UBAC2: variants seen among roughly 807,000 people sequenced by gnomAD.
The protein encoded by UBAC2 is UBA domain containing 2, also known as ubiquitin-associated domain-containing protein 2.
UBAC2 carries 26 observed loss-of-function variants against 44.0 expected under a neutral mutation model. That is an observed-to-expected ratio of 0.59 (90% confidence interval 0.43 to 0.82). The LOEUF is 0.82. Ranked by LOEUF, UBAC2 falls within the 40% of genes least tolerant of loss-of-function variation. UBAC2 has a pLI of 0.00. For synonymous variants in UBAC2, 155 were observed against 154.3 expected, an observed-to-expected ratio of 1.00 and a Z score of -0.04; for missense variants, 329 against 419.4, an observed-to-expected ratio of 0.78 and a Z score of 1.88.
rs1016135589 is a variant in UBAC2 at position 99,217,438 on chromosome 13, G to A, written c.31+16499G>A. On this transcript the variant is annotated intron_variant, in intron 1 of 8. Coordinates refer to ENST00000403766, the MANE Select transcript of UBAC2 (RefSeq NM_001144072.2). ...CTTTCTCCAACCCAGACCCACGTAG[G>A]CTATGCTGAAACTCTGTGGAGGCAG... is the stretch of plus-strand genomic sequence containing the variant. Among the ~76,000 whole-genome samples the A allele has an allele frequency of 2.6e-5, 4 of 152,202 alleles. No homozygotes were observed. In the East Asian group the frequency reaches 5.8e-4, roughly 22 times the overall value.
intron 7 of UBAC2, among the ~76,000 whole-genome samples, chr13:99,363,790 G>C (rs1328414363): frequency 6.6e-6 from 1 of 152,238 alleles, no homozygotes; most frequent in African/African-American, 2.4e-5. Context: ...AAGTGAACCA[G>C]CAGTCTGCTA....
At chr13:99,201,320 CT>C in intron 1 of UBAC2, 2 of 1,504,256 alleles carry the variant, frequency 1.3e-6, no homozygotes, top group South Asian at 1.3e-5. Flanking sequence ...ATGCCCCATT[CT>C]TTTAGGCTTG....
intron 6 of UBAC2, among the ~76,000 whole-genome samples, chr13:99,319,486 C>G (rs1424585120): frequency 6.6e-6 from 1 of 152,200 alleles, no homozygotes; most frequent in Non-Finnish European, 1.5e-5. Flanking sequence ...GCTTACCCCT[C>G]TTCTTCCTTT....
chr13:99,304,618 T>C (rs1366909510), intron 4 of UBAC2, among the ~76,000 whole-genome samples: 1 of 152,190 alleles, frequency 6.6e-6, no homozygotes, highest in African/African-American at 2.4e-5. Flanking sequence ...TGAATAATAA[T>C]CAATTAAAAT....
At chr13:99,353,162 T>G (rs1056857288) in intron 7 of UBAC2, among the ~76,000 whole-genome samples, 1 of 152,256 alleles carries the variant, frequency 6.6e-6, no homozygotes, top group Non-Finnish European at 1.5e-5. Context: ...TTCAAGAGTT[T>G]ATAAGTATAT....
chr13:99,267,944 G>A (rs1056536821), intron 4 of UBAC2, among the ~76,000 whole-genome samples: 1 of 152,164 alleles, frequency 6.6e-6, no homozygotes, highest in African/African-American at 2.4e-5. Flanking sequence ...CCGGTAAGTC[G>A]TCAAGGGCCT....
intron 7 of UBAC2, among the ~76,000 whole-genome samples, chr13:99,364,949 T>A (rs898669608): frequency 3.3e-5 from 5 of 152,230 alleles, no homozygotes; most frequent in Admixed American, 3.3e-4. Context: ...GTGTTTGAAT[T>A]TCTTTTATTC....
At chr13:99,205,149 G>A (rs77318962) in intron 1 of UBAC2, among the ~76,000 whole-genome samples, 14,409 of 152,160 alleles carry the variant, frequency 0.095, 798 homozygotes, top group Middle Eastern at 0.14. Context: ...TGATCCGCCC[G>A]CCTCGGCCTC....
intron 4 of UBAC2, among the ~76,000 whole-genome samples, chr13:99,289,253 A>G (rs1427614310): frequency 6.6e-6 from 1 of 152,224 alleles, no homozygotes; most frequent in Non-Finnish European, 1.5e-5. Context: ...GAGGAAAGGA[A>G]GATGGATGGC....
At chr13:99,219,419 A>C (rs571793254) in intron 1 of UBAC2, among the ~76,000 whole-genome samples, 1 of 152,344 alleles carries the variant, frequency 6.6e-6, no homozygotes, top group East Asian at 1.9e-4. Context: ...AATTAACAGC[A>C]ACCACAATTT....
rs869112086 is a variant in UBAC2 at position 99,338,047 on chromosome 13, C to CTTTTTTTTTTTTTTTTTTTT, written c.562-2264_562-2245dup. Among the ~76,000 whole-genome samples, 61 of 48,868 alleles carry CTTTTTTTTTTTTTTTTTTTT rather than the reference C, an allele frequency of 1.2e-3. 7 individuals carry two copies. Among genetic ancestry groups the CTTTTTTTTTTTTTTTTTTTT allele is most frequent in the African/African-American group, 3.0e-3 (42 of 14,114 alleles). The allele number at this position is 48,868 out of a possible 152,430, so 32.1% of individuals were successfully genotyped here. A position where few individuals can be genotyped will look rare whatever the true frequency, so the allele number is the denominator to read the frequency against. ...ATCTCCTAACTTTTTTTCTTTTTTT[C>CTTTTTTTTTTTTTTTTTTTT]TTTTTTTTTTTTTTTTTTTTTTTTT... On this transcript the variant is annotated intron_variant, in intron 6 of 8. Transcript: ENST00000403766.
At position 99,295,485 on chromosome 13, in the gene UBAC2, A is replaced by G. The variant is rs2044156351; in HGVS notation, c.390-18612A>G. 1.2e-6 allele frequency: 2 copies of G among 1,613,896 alleles called. No homozygotes were observed. The highest frequency in any genetic ancestry group is 2.2e-5 in the South Asian group (2 of 91,076). On this transcript the variant is annotated intron_variant, in intron 4 of 8. Transcript: ENST00000403766. This position sits in a 1 kb window ranked among gnomAD's most constrained non-coding sequence, Gnocchi z 4.1. Reference sequence around the variant, plus strand: ...TGTTTGGCAGTTCTGAAGAGTTTGCAGCAGATCTGAGAATAGCAGATGAGA... The same window carrying G: ...TGTTTGGCAGTTCTGAAGAGTTTGCGGCAGATCTGAGAATAGCAGATGAGA...
intron 1 of UBAC2, among the ~76,000 whole-genome samples, chr13:99,223,152 AAAAAAAATTTAGTTGTGAT>A (rs1222653743): frequency 7.2e-5 from 11 of 152,054 alleles, no homozygotes; most frequent in African/African-American, 2.7e-4. Context: ...TTCCCTTTCA[AAAAAAAATTTAGTTGTGAT>A]AAGACATTTT....
intron 6 of UBAC2, among the ~76,000 whole-genome samples, chr13:99,339,737 C>T (rs2044855168): frequency 6.6e-6 from 1 of 151,852 alleles, no homozygotes; most frequent in Non-Finnish European, 1.5e-5. Flanking sequence ...AAATGACCTT[C>T]AAGATGAAGA....
At chr13:99,231,046 T>G (rs2043166957) in intron 1 of UBAC2, among the ~76,000 whole-genome samples, 2 of 148,480 alleles carry the variant, frequency 1.3e-5, no homozygotes, top group Non-Finnish European at 3.0e-5. Context: ...AGACTCCGTC[T>G]CAAAAAAAAA....
intron 4 of UBAC2, among the ~76,000 whole-genome samples, chr13:99,262,869 A>C (rs1473565924): frequency 6.6e-6 from 1 of 152,172 alleles, no homozygotes; most frequent in Non-Finnish European, 1.5e-5. Flanking sequence ...ACATGTATCT[A>C]TAAGGTTGAG....
rs184933942 is a variant in UBAC2 at position 99,292,959 on chromosome 13, C to T, written c.390-21138C>T. Among the ~76,000 whole-genome samples the T allele has an allele frequency of 1.5e-3, 221 of 152,226 alleles. 2 individuals are homozygous for T. The highest frequency in any genetic ancestry group is 5.0e-3 in the South Asian group (24 of 4,826). On this transcript the variant is annotated intron_variant, in intron 4 of 8. Coordinates refer to ENST00000403766, the MANE Select transcript of UBAC2 (RefSeq NM_001144072.2). Reference sequence around the variant, plus strand: ...AGTTGACCTCCTGGTTAGGAGAATGCCCCGGAAATAAATGTAAAGCTAACT... The same window carrying T: ...AGTTGACCTCCTGGTTAGGAGAATGTCCCGGAAATAAATGTAAAGCTAACT...
intron 1 of UBAC2, among the ~76,000 whole-genome samples, chr13:99,214,441 T>C (rs2042968802): frequency 6.6e-6 from 1 of 152,112 alleles, no homozygotes; most frequent in Non-Finnish European, 1.5e-5. Flanking sequence ...TAGGTTCTCT[T>C]CTAGTATGCA....
Position 99,206,705 on chromosome 13 carries a change from GTTTCTCAGCTAAGTTTCTGGTATTCA to G in UBAC2, c.31+5787_31+5812del, listed in dbSNP as rs1317858623. ...GGGTCAAGTCTGGGCCCTTGGCACC[GTTTCTCAGCTAAGTTTCTGGTATTCA>G]TTTCTCAGCTAAGTTTCTGGGATTC... On this transcript the variant is annotated intron_variant, in intron 1 of 8. Coordinates refer to ENST00000403766, the MANE Select transcript of UBAC2 (RefSeq NM_001144072.2). Among the ~76,000 whole-genome samples the G allele has an allele frequency of 3.3e-5, 5 of 152,208 alleles. No individual in the cohort carries two copies. The East Asian group carries it at 9.6e-4, about 29-fold the overall frequency.
Sources: allele counts gnomAD v4.1 joint callset (sites outside exome capture counted in the v4.1 genomes callset), GRCh38; gene constraint gnomAD v4.1.1; non-coding constraint Gnocchi (gnomAD v3.1); transcripts MANE v1.5; gene names NCBI Gene and HGNC (gene_info 2026-07-23, HGNC 2026-07-21).